The following RUNX1T1 variants were observed in gnomAD, a reference collection of about 807,000 sequenced individuals.
RUNX1T1 encodes protein CBFA2T1.
A neutral mutation model predicts 62.8 loss-of-function variants in RUNX1T1; 4 were observed. That is an observed-to-expected ratio of 0.06 (90% CI 0.03 to 0.15). The LOEUF (loss-of-function observed/expected upper bound fraction) is 0.15, where lower values mean the gene tolerates loss of function less well. Ranked by LOEUF, RUNX1T1 falls within the 10% of genes least tolerant of loss-of-function variation. RUNX1T1 has a pLI of 1.00. For synonymous variants in RUNX1T1, 291 were observed against 286.0 expected (o/e 1.02, Z -0.18); for missense variants, 508 against 754.3 (o/e 0.67, Z 3.82).
chr8:92,014,508 C>CT, intron 3 of RUNX1T1, 71 bp downstream of exon 4: 1 of 1,392,644 alleles, frequency 7.2e-7, no homozygotes, highest in African/African-American at 1.4e-5. Flanking sequence ...AGAACGGTGT[C>CT]TACATGTCTG....
chr8:92,073,623 T>C (rs1323372965), intron 2 of RUNX1T1, among the ~76,000 whole-genome samples: 1 of 152,208 alleles, frequency 6.6e-6, no homozygotes, highest in Non-Finnish European at 1.5e-5. Context: ...TTCTTGAGTT[T>C]GAACCCCATA....
intron 1 of RUNX1T1, among the ~76,000 whole-genome samples, chr8:92,031,846 C>A (rs1826284285): frequency 6.6e-6 from 1 of 151,974 alleles, no homozygotes; most frequent in African/African-American, 2.4e-5. Context: ...AATCCCAGCA[C>A]TTTGGGAGGC....
intron 1 of RUNX1T1, among the ~76,000 whole-genome samples, chr8:92,047,391 T>C (rs1393074872): frequency 6.6e-6 from 1 of 152,092 alleles, no homozygotes; most frequent in Non-Finnish European, 1.5e-5. Context: ...CCAACAGCCC[T>C]ACAGACCCTC....
At chr8:92,051,476 C>T (rs372955076) in intron 1 of RUNX1T1, among the ~76,000 whole-genome samples, 3 of 152,050 alleles carry the variant, frequency 2.0e-5, no homozygotes, top group African/African-American at 7.2e-5. Flanking sequence ...TTAAAAACTA[C>T]TTAATTTCAT....
intron 8 of RUNX1T1, among the ~76,000 whole-genome samples, chr8:91,978,692 C>A (rs1049768942): frequency 6.6e-6 from 1 of 152,272 alleles, no homozygotes; most frequent in East Asian, 1.9e-4. Context: ...ATGACACTTT[C>A]AAAAATTTTA....
chr8:92,039,665 G>A (rs930810607), intron 1 of RUNX1T1, among the ~76,000 whole-genome samples: 1 of 152,180 alleles, frequency 6.6e-6, no homozygotes, highest in Non-Finnish European at 1.5e-5. Flanking sequence ...AAAACTGAAA[G>A]TTAACATTTC....
intron 1 of RUNX1T1, among the ~76,000 whole-genome samples, chr8:92,017,961 A>G (rs1186474925): frequency 1.3e-5 from 2 of 152,212 alleles, no homozygotes; most frequent in Non-Finnish European, 2.9e-5. Context: ...CAATGAAGTG[A>G]AACTATTATT....
intron 3 of RUNX1T1, among the ~76,000 whole-genome samples, chr8:92,013,339 T>C (rs1240740627): frequency 6.6e-6 from 1 of 152,202 alleles, no homozygotes; most frequent in Non-Finnish European, 1.5e-5. Context: ...CTTTTGTTCT[T>C]GGAGTAGGGA....
chr8:91,981,022 C>T (rs1189811274), intron 8 of RUNX1T1, among the ~76,000 whole-genome samples: 4 of 152,134 alleles, frequency 2.6e-5, no homozygotes, highest in African/African-American at 7.2e-5. Context: ...TAAGACATAA[C>T]ACTTCTACTA....
chr8:92,051,695 T>C (rs1246353481), intron 1 of RUNX1T1, among the ~76,000 whole-genome samples: 2 of 151,870 alleles, frequency 1.3e-5, no homozygotes, highest in African/African-American at 4.8e-5. Context: ...TTGGAAGATA[T>C]AAACATCATT....
chr8:92,037,727 G>T (rs923230354), intron 1 of RUNX1T1, among the ~76,000 whole-genome samples: 2 of 152,028 alleles, frequency 1.3e-5, no homozygotes, highest in Non-Finnish European at 2.9e-5. Context: ...TAAAAGCAGA[G>T]GAGTATAATC....
intron 6 of RUNX1T1, among the ~76,000 whole-genome samples, chr8:91,988,861 G>A (rs986895459): frequency 1.3e-5 from 2 of 152,108 alleles, no homozygotes; most frequent in Admixed American, 6.5e-5. Flanking sequence ...TTCATTTGCC[G>A]CTTTTGAACT....
intron 1 of RUNX1T1, among the ~76,000 whole-genome samples, chr8:92,028,048 G>A (rs1422034723): frequency 3.9e-5 from 5 of 126,676 alleles, no homozygotes; most frequent in African/African-American, 9.0e-5. Context: ...TTGGATGGAC[G>A]GACAGATGGA....
At chr8:92,055,183 A>T (rs1364944343) in intron 1 of RUNX1T1, among the ~76,000 whole-genome samples, 1 of 152,154 alleles carries the variant, frequency 6.6e-6, no homozygotes, top group African/African-American at 2.4e-5. Context: ...TTTGGGAAAA[A>T]GTTTATTAAC....
chr8:92,016,547 T>C (rs1013435221), intron 2 of RUNX1T1, among the ~76,000 whole-genome samples: 6 of 152,088 alleles, frequency 3.9e-5, no homozygotes, highest in Non-Finnish European at 8.8e-5. Flanking sequence ...CAGTGGCGCA[T>C]GACTGTAATC....
At chr8:92,095,090 G>A (rs1195929117) in intron 1 of RUNX1T1, 2 of 1,535,618 alleles carry the variant, frequency 1.3e-6, no homozygotes, top group Non-Finnish European at 1.7e-6. Context: ...AGGGGTAGAT[G>A]CCTCCTCCTC....
At chr8:92,012,906 T>C (rs1822250510) in intron 3 of RUNX1T1, among the ~76,000 whole-genome samples, 1 of 152,182 alleles carries the variant, frequency 6.6e-6, no homozygotes, top group Admixed American at 6.5e-5. Context: ...CCTATTTTCC[T>C]CTCTAGGCTT....
At chr8:91,973,345 G>A (rs1026860088) in intron 9 of RUNX1T1, among the ~76,000 whole-genome samples, 8 of 151,538 alleles carry the variant, frequency 5.3e-5, no homozygotes, top group African/African-American at 1.9e-4. Context: ...AAGTTATAGA[G>A]GAATTTTTTG....
At chr8:91,993,613 T>C (rs1452013957) in intron 5 of RUNX1T1, among the ~76,000 whole-genome samples, 2 of 152,186 alleles carry the variant, frequency 1.3e-5, no homozygotes, top group Non-Finnish European at 2.9e-5. Flanking sequence ...ATTTATACTT[T>C]ACCCTATCTC....
Sources: gnomAD v4.1 joint callset for allele counts (sites outside exome capture counted in the v4.1 genomes callset) on GRCh38, gnomAD v4.1.1 for gene constraint, MANE v1.5 for transcripts, NCBI Gene and HGNC (gene_info 2026-07-23, HGNC 2026-07-21) for gene names.